CLEC16A: variants seen among roughly 807,000 people sequenced by gnomAD.
CLEC16A encodes protein CLEC16A.
A neutral mutation model predicts 109.5 loss-of-function variants in CLEC16A; 51 were observed. The ratio of observed to expected loss-of-function variants is 0.47; its 90% confidence interval spans 0.37 to 0.59. CLEC16A has a LOEUF of 0.59. Among genes scored for constraint, CLEC16A ranks in the 20% least tolerant of loss-of-function variants. CLEC16A has a pLI of 0.00. For synonymous variants in CLEC16A, 673 were observed against 564.2 expected, an observed-to-expected ratio of 1.19 and a Z score of -2.73; for missense variants, 1,339 against 1,394.0, an observed-to-expected ratio of 0.96 and a Z score of 0.63.
intron 19 of CLEC16A, among the ~76,000 whole-genome samples, chr16:11,062,174 C>T (rs983694430): frequency 6.6e-6 from 1 of 152,048 alleles, no homozygotes; most frequent in Non-Finnish European, 1.5e-5. Flanking sequence ...TTTTGAACCC[C>T]ATCACCTGAG....
intron 22 of CLEC16A, among the ~76,000 whole-genome samples, chr16:11,150,614 G>A (rs536723615): frequency 3.3e-5 from 5 of 152,332 alleles, no homozygotes; most frequent in Admixed American, 6.5e-5. Context: ...TCCCTGTACT[G>A]TAAAATGCCT....
chr16:11,051,554 C>T lies in CLEC16A; in HGVS notation c.1908C>T (p.Ser636=). 1 of 1,614,040 alleles carries T rather than the reference C, an allele frequency of 6.2e-7. No homozygotes were observed. The highest frequency in any genetic ancestry group is 1.1e-5 in the South Asian group (1 of 91,088). ...TGGAATATCTCATGATGGACGCCTCCATCCTGCTGCCCCCAACAGGCACGC... is the reference window on the plus strand; with the variant it reads ...TGGAATATCTCATGATGGACGCCTCTATCCTGCTGCCCCCAACAGGCACGC... ...MNVEYLMMDA[S]ILLPPTGTPL... is the part of the protein sequence containing the mutation. Residue 636 remains serine, a synonymous_variant, in exon 18 of 24, where the codon TCC becomes TCT. Transcript: ENST00000409790.
At chr16:10,971,581 C>G in intron 5 of CLEC16A, 4 of 946,196 alleles carry the variant, frequency 4.2e-6, no homozygotes, top group South Asian at 4.9e-5. Flanking sequence ...GTGAAATATA[C>G]TTTAATACAG....
At chr16:11,053,748 A>C (rs1459139319) in intron 18 of CLEC16A, among the ~76,000 whole-genome samples, 1 of 152,134 alleles carries the variant, frequency 6.6e-6, no homozygotes. Context: ...GCTGAGCCAC[A>C]AGTCAGCCCA....
chr16:11,002,937 C>G, intron 10 of CLEC16A, 137 bp from the exon 11 acceptor site: 1 of 663,912 alleles, frequency 1.5e-6, no homozygotes, highest in Non-Finnish European at 2.5e-6. Flanking sequence ...AGTAAGCATG[C>G]GAGTGCAGCT....
intron 19 of CLEC16A, among the ~76,000 whole-genome samples, chr16:11,092,492 C>G (rs1426844265): frequency 1.3e-5 from 2 of 152,000 alleles, no homozygotes; most frequent in African/African-American, 2.4e-5. Flanking sequence ...TCCCGTGAGC[C>G]AAGATCATAC....
intron 11 of CLEC16A, among the ~76,000 whole-genome samples, chr16:11,018,733 A>G (rs2045915132): frequency 7.7e-6 from 1 of 129,730 alleles, no homozygotes; most frequent in African/African-American, 3.0e-5. Context: ...TGGGCGACAG[A>G]GCGAGACTCC....
At chr16:11,005,990 C>T (rs1027293784) in intron 11 of CLEC16A, among the ~76,000 whole-genome samples, 2 of 150,916 alleles carry the variant, frequency 1.3e-5, no homozygotes, top group African/African-American at 4.9e-5. Flanking sequence ...AGTGAAGATA[C>T]GTTGATATTT....
intron 5 of CLEC16A, chr16:10,971,528 G>A (rs1596811686): frequency 1.0e-6 from 1 of 983,250 alleles, no homozygotes; most frequent in South Asian, 4.7e-5. Context: ...AGAAAGCAAA[G>A]TTGTCTTTTT....
chr16:11,163,656 G>T (rs1480574476), intron 22 of CLEC16A, among the ~76,000 whole-genome samples: 1 of 152,134 alleles, frequency 6.6e-6, no homozygotes, highest in Non-Finnish European at 1.5e-5. Context: ...TAATAAACCA[G>T]GTTTATGATG....
At chr16:11,157,574 G>T (rs1481937947) in intron 22 of CLEC16A, among the ~76,000 whole-genome samples, 1 of 152,166 alleles carries the variant, frequency 6.6e-6, no homozygotes, top group Non-Finnish European at 1.5e-5. Flanking sequence ...AACTTCTGGG[G>T]CCCCCCAAGG....
At chr16:11,164,231 C>T (rs527957644) in intron 22 of CLEC16A, among the ~76,000 whole-genome samples, 4 of 152,304 alleles carry the variant, frequency 2.6e-5, no homozygotes, top group East Asian at 1.9e-4. Context: ...TCAGGATGAC[C>T]GCCTCACTCG....
chr16:11,011,999 G>C (rs1364343961), intron 11 of CLEC16A, among the ~76,000 whole-genome samples: 1 of 152,022 alleles, frequency 6.6e-6, no homozygotes, highest in Non-Finnish European at 1.5e-5. Flanking sequence ...AACAGTTCAG[G>C]ATGTTTTTGC....
rs553826741 is a variant in CLEC16A at position 11,179,996 on chromosome 16, A to G, written c.*1306A>G. 5.9e-5 allele frequency: 9 copies of G among 152,634 alleles called. No individual in the cohort carries two copies. The highest frequency in any genetic ancestry group is 1.9e-4 in the African/African-American group (8 of 41,568). 9.5% of individuals were successfully genotyped at this position (152,634 alleles called of 1,614,324 possible). A position where few individuals can be genotyped will look rare whatever the true frequency, so the allele number is the denominator to read the frequency against. On this transcript the variant is annotated 3_prime_UTR_variant, in exon 24 of 24. Coordinates refer to ENST00000409790, the MANE Select transcript of CLEC16A (RefSeq NM_015226.3). Reference sequence around the variant, plus strand: ...CCCAGGCCGTGATCCACCCTCCCCAAGTCCACCAGGGCCAGCGGCCCCTCA... The same window carrying G: ...CCCAGGCCGTGATCCACCCTCCCCAGGTCCACCAGGGCCAGCGGCCCCTCA...
chr16:10,984,100 G>A (rs1596880617), intron 10 of CLEC16A, among the ~76,000 whole-genome samples: 1 of 152,126 alleles, frequency 6.6e-6, no homozygotes. Context: ...TGGCCAGGCT[G>A]GTAAAAGGGC....
chr16:10,962,667 G>C (rs2042306045), intron 3 of CLEC16A, 79 bp downstream of exon 3: 5 of 1,493,212 alleles, frequency 3.3e-6, no homozygotes, highest in African/African-American at 1.4e-5. Flanking sequence ...TTCTGTGTCT[G>C]CGCTTACTAT....
intron 22 of CLEC16A, among the ~76,000 whole-genome samples, chr16:11,154,426 A>G (rs1351717032): frequency 6.6e-6 from 1 of 152,226 alleles, no homozygotes; most frequent in Non-Finnish European, 1.5e-5. Flanking sequence ...TTTTCTCGTA[A>G]ACGATTTTCA....
At position 10,954,904 on chromosome 16, in the gene CLEC16A, C is replaced by T. The variant is rs962735094; in HGVS notation, c.81-2878C>T. 6.6e-6 allele frequency among the ~76,000 whole-genome samples: 1 copy of T among 152,226 alleles called. No individual in the cohort carries two copies. Among genetic ancestry groups the T allele is most frequent in the Non-Finnish European group, 1.5e-5 (1 of 68,044 alleles). On this transcript the variant is annotated intron_variant, in intron 1 of 23. Transcript: ENST00000409790. This position sits in a 1 kb window ranked among gnomAD's most constrained non-coding sequence, Gnocchi z 4.2. ...GTAGTAATAATGTGAATAACGGCCC[C>T]CACCACAATGACCATAATCTAATCA...
At chr16:10,950,896 A>G (rs888030813) in intron 1 of CLEC16A, among the ~76,000 whole-genome samples, 2 of 152,208 alleles carry the variant, frequency 1.3e-5, no homozygotes, top group African/African-American at 4.8e-5. Flanking sequence ...GCAAATGTAC[A>G]TTTCAAAATC....
Sources: allele counts gnomAD v4.1 joint callset (sites outside exome capture counted in the v4.1 genomes callset), GRCh38; gene constraint gnomAD v4.1.1; non-coding constraint Gnocchi (gnomAD v3.1); transcripts MANE v1.5; gene names NCBI Gene and HGNC (gene_info 2026-07-23, HGNC 2026-07-21).